ABCA13: variants seen among roughly 807,000 people sequenced by gnomAD.
ABCA13 encodes the protein ATP-binding cassette sub-family A member 13.
ABCA13 carries 476 observed loss-of-function variants against 478.7 expected under a neutral mutation model. The ratio of observed to expected loss-of-function variants is 0.99; its 90% confidence interval spans 0.92 to 1.07. The LOEUF (loss-of-function observed/expected upper bound fraction) is 1.07, where lower values mean the gene tolerates loss of function less well. Among genes scored for constraint, ABCA13 ranks in the 50% least tolerant of loss-of-function variants. The pLI is 0.00. For missense variants in ABCA13, 6,060 were observed against 5,910.6 expected (o/e 1.03, Z -0.83); for synonymous variants, 2,252 against 2,158.9 (o/e 1.04, Z -1.20).
At chr7:48,326,531 T>A (rs191227157) in intron 27 of ABCA13, among the ~76,000 whole-genome samples, 1 of 152,334 alleles carries the variant, frequency 6.6e-6, no homozygotes, top group East Asian at 1.9e-4. Flanking sequence ...GAGCTAATGT[T>A]GGTTGCAAAC....
At chr7:48,583,480 A>C in intron 56 of ABCA13, among the ~76,000 whole-genome samples, 1 of 152,184 alleles carries the variant, frequency 6.6e-6, no homozygotes, top group Non-Finnish European at 1.5e-5. Context: ...TGTGAATCTC[A>C]GGGCAATTTA....
At chr7:48,536,503 G>C (rs939415626) in intron 55 of ABCA13, among the ~76,000 whole-genome samples, 4 of 151,822 alleles carry the variant, frequency 2.6e-5, no homozygotes, top group African/African-American at 9.7e-5. Context: ...CAAAAATTAC[G>C]TGGGCGTGGT....
At chr7:48,329,398 T>C (rs1804844915) in intron 27 of ABCA13, among the ~76,000 whole-genome samples, 2 of 152,148 alleles carry the variant, frequency 1.3e-5, no homozygotes, top group East Asian at 3.9e-4. Flanking sequence ...TGTGCTATAT[T>C]GAGGACATAG....
chr7:48,601,650 C>A (rs1378836572), intron 58 of ABCA13, among the ~76,000 whole-genome samples: 1 of 152,114 alleles, frequency 6.6e-6, no homozygotes, highest in Non-Finnish European at 1.5e-5. Flanking sequence ...GGTTCCAAGT[C>A]TTTGCTTTTG....
chr7:48,293,757 T>C (rs1046793560), intron 20 of ABCA13, among the ~76,000 whole-genome samples: 2 of 152,244 alleles, frequency 1.3e-5, no homozygotes, highest in African/African-American at 2.4e-5. Flanking sequence ...AGGTTTTTTT[T>C]TGGCAAAATG....
chr7:48,609,522 T>C (rs1791807949), intron 58 of ABCA13, among the ~76,000 whole-genome samples: 1 of 152,022 alleles, frequency 6.6e-6, no homozygotes, highest in African/African-American at 2.4e-5. Flanking sequence ...CAGGGAATCT[T>C]GGTAAAGCAT....
Position 48,418,742 on chromosome 7 carries a change from AC to A in ABCA13, c.12459+6160del, listed in dbSNP as rs573906041. ...ATTTTTTCTACTATTTATATCCAAA[AC>A]ACATATGCAGTGGTGTATTTTCAGA... is the stretch of plus-strand genomic sequence containing the variant. On this transcript the variant is annotated intron_variant, in intron 41 of 61. Transcript: ENST00000435803. Among the ~76,000 whole-genome samples the A allele has an allele frequency of 6.3e-4, 96 of 152,322 alleles. 1 individual carries two copies. Among genetic ancestry groups the A allele is most frequent in the African/African-American group, 2.2e-3 (93 of 41,572 alleles).
intron 1 of ABCA13, among the ~76,000 whole-genome samples, chr7:48,182,054 C>A (rs1391047984): frequency 3.3e-5 from 5 of 152,076 alleles, no homozygotes; most frequent in Admixed American, 2.6e-4. Flanking sequence ...TGCTGTATGG[C>A]CACCTCTATG....
chr7:48,508,577 C>G (rs1166449786), intron 50 of ABCA13, among the ~76,000 whole-genome samples: 2 of 152,078 alleles, frequency 1.3e-5, no homozygotes, highest in East Asian at 3.9e-4. Context: ...TTCTTCAGGA[C>G]ATTTATCTTA....
intron 8 of ABCA13, 71 bp from the exon 9 acceptor site, chr7:48,239,170 T>C (rs1050773515): frequency 1.3e-6 from 2 of 1,501,984 alleles, no homozygotes; most frequent in Non-Finnish European, 1.8e-6. Flanking sequence ...AAGATCGTGG[T>C]GTTATTTTTA....
intron 42 of ABCA13, among the ~76,000 whole-genome samples, chr7:48,428,420 A>C (rs1821722714): frequency 6.6e-6 from 1 of 152,176 alleles, no homozygotes; most frequent in South Asian, 2.1e-4. Context: ...GCTCCAGTTC[A>C]GTCCAATTCC....
rs1802717457 is a variant in ABCA13, at chr7:48,317,158, ACCG to A, written c.9862_9864del (p.Pro3288del). On this transcript the variant is annotated inframe_deletion and splice_region_variant, in exon 27 of 62. Transcript: ENST00000435803. Reference sequence around the variant, plus strand: ...TTTTTTTCTTTCTAATTGCAACAGCACCGTTTTGCTTGAAGCTTTATCAGGAAA... The same window carrying A: ...TTTTTTTCTTTCTAATTGCAACAGCATTTTGCTTGAAGCTTTATCAGGAAA... 1 of 1,610,510 alleles carries A rather than the reference ACCG, an allele frequency of 6.2e-7. No homozygotes were observed. Among genetic ancestry groups the A allele is most frequent in the Non-Finnish European group, 8.5e-7 (1 of 1,179,006 alleles).
Position 48,274,295 on chromosome 7 carries a change from T to A in ABCA13, c.4629T>A (p.Ile1543=), listed in dbSNP as rs750276821. 2 of 1,613,260 alleles carry A rather than the reference T, an allele frequency of 1.2e-6. No individual in the cohort carries two copies. The highest frequency in any genetic ancestry group is 4.5e-5 in the East Asian group (2 of 44,828). The part of the protein sequence containing the change: ...SDEIPNQFQN[I]WLHLITLGKE... The stretch of plus-strand genomic sequence containing the variant: ...AAATTCCTAATCAGTTTCAAAATAT[T>A]TGGCTTCATTTAATAACACTGGGGA... Residue 1543 remains isoleucine (I), a synonymous_variant, in exon 17 of 62, where the codon ATT becomes ATA. Coordinates refer to ENST00000435803, the MANE Select transcript of ABCA13 (RefSeq NM_152701.5).
At chr7:48,522,036 C>CT (rs71227262) in intron 53 of ABCA13, among the ~76,000 whole-genome samples, 12,763 of 152,192 alleles carry the variant, frequency 0.084, 928 homozygotes, top group African/African-American at 0.2. Context: ...CTCCTCCCAT[C>CT]CCACAGGGAT....
At chr7:48,463,350 G>GT (rs1226108329) in intron 43 of ABCA13, among the ~76,000 whole-genome samples, 1 of 152,086 alleles carries the variant, frequency 6.6e-6, no homozygotes, top group Admixed American at 6.5e-5. Flanking sequence ...AGTACTTTCT[G>GT]TTTTTTTCAG....
intron 54 of ABCA13, among the ~76,000 whole-genome samples, chr7:48,525,327 G>A (rs1832814520): frequency 6.6e-6 from 1 of 151,572 alleles, no homozygotes; most frequent in African/African-American, 2.4e-5. Context: ...ACTATTTTTT[G>A]TACCCTTGCT....
chr7:48,338,615 A>G (rs1806641953), intron 29 of ABCA13, among the ~76,000 whole-genome samples, 160 bp downstream of exon 29: 1 of 152,196 alleles, frequency 6.6e-6, no homozygotes, highest in Non-Finnish European at 1.5e-5. Context: ...AAGGGCTTGA[A>G]CTAAATACTC....
Position 48,274,989 on chromosome 7 carries a change from T to G in ABCA13, c.5323T>G (p.Phe1775Val). 6.2e-7 allele frequency: 1 copy of G among 1,613,868 alleles called. No homozygotes were observed. Among genetic ancestry groups the G allele is most frequent in the Middle Eastern group, 1.6e-4 (1 of 6,062 alleles). Residue 1775 changes from phenylalanine to valine, a missense_variant, in exon 17 of 62, where the codon TTC becomes GTC. By Grantham distance (50) the Phe-to-Val change is conservative (BLOSUM62 -1). Coordinates refer to ENST00000435803, the MANE Select transcript of ABCA13 (RefSeq NM_152701.5). ...ITEGLKDVYS[F>V]TLLHGITISN... ...TGAAGGCCTCAAGGATGTCTACAGC[T>G]TCACACTCCTTCATGGCATAACCAT...
At chr7:48,508,411 C>T (rs1831400427) in intron 50 of ABCA13, among the ~76,000 whole-genome samples, 1 of 152,114 alleles carries the variant, frequency 6.6e-6, no homozygotes, top group Non-Finnish European at 1.5e-5. Flanking sequence ...GCATGCTTAA[C>T]ACCCCCTCCT....
Sources: allele counts gnomAD v4.1 joint callset (sites outside exome capture counted in the v4.1 genomes callset), GRCh38; gene constraint gnomAD v4.1.1; transcripts MANE v1.5; gene names NCBI Gene and HGNC (gene_info 2026-07-23, HGNC 2026-07-21).